SRSF7: variants seen among roughly 807,000 people sequenced by gnomAD.
The protein encoded by SRSF7 is serine/arginine-rich splicing factor 7.
Under a neutral mutation model 42.2 loss-of-function variants are expected in SRSF7, and 15 were observed. The observed-to-expected ratio is 0.36, with a 90% confidence interval of 0.24 to 0.55. SRSF7 has a LOEUF of 0.55. Ranked by LOEUF, SRSF7 falls within the 20% of genes least tolerant of loss-of-function variation. The pLI is 0.88. For missense variants in SRSF7, 181 were observed against 305.9 expected, an observed-to-expected ratio of 0.59 and a Z score of 3.04; for synonymous variants, 138 against 107.9, an observed-to-expected ratio of 1.28 and a Z score of -1.73.
At chr2:38,748,800 ATTT>A in intron 3 of SRSF7, 147 bp from the exon 4 acceptor site, 8 of 1,000,132 alleles carry the variant, frequency 8.0e-6, no homozygotes, top group East Asian at 3.2e-5. Context: ...GTTGTTGAGT[ATTT>A]TTTTTTTTAC....
Position 38,746,168 on chromosome 2 carries a change from G to C in SRSF7, c.638C>G (p.Ser213Cys). ...ISRPRSSRSKSRSPSPKRSRS... is the reference protein window; with the variant it reads ...ISRPRSSRSKCRSPSPKRSRS... ...CCTTCTTTTTGGAGATGGAGATCTG[G>C]ACTTTGATCGGCTGTCAAAACATGA... The change falls in exon 7 of 8, where the codon TCC becomes TGC. Residue 213 changes from serine (S) to cysteine (C), a missense_variant. Ser to Cys is a moderately radical substitution (Grantham distance 112, BLOSUM62 -1). Transcript: ENST00000313117. The C allele has an allele frequency of 6.2e-7, 1 of 1,614,044 alleles. No individual in the cohort carries two copies. Among genetic ancestry groups the C allele is most frequent in the Middle Eastern group, 1.7e-4 (1 of 6,060 alleles).
At chr2:38,745,241 T>C (rs1667191500) in intron 7 of SRSF7, 54 bp from the exon 8 acceptor site, 6 of 1,576,348 alleles carry the variant, frequency 3.8e-6, no homozygotes, top group South Asian at 1.1e-5. Flanking sequence ...GAAACTCTCA[T>C]GTACATGTAC....
Position 38,748,574 on chromosome 2 carries a change from C to A in SRSF7, c.461+5G>T. On this transcript the variant is annotated splice_donor_5th_base_variant and intron_variant, in intron 4 of 7. Transcript: ENST00000313117. ...CAGAAAGACTTCAGTTAAACAAGAT[C>A]TCACCTTCGTCCCCTGCTCCTGCTG... The A allele has an allele frequency of 6.2e-7, 1 of 1,613,692 alleles. No individual in the cohort carries two copies. Among genetic ancestry groups the A allele is most frequent in the Non-Finnish European group, 8.5e-7 (1 of 1,179,642 alleles).
intron 5 of SRSF7, 84 bp downstream of exon 5, chr2:38,747,963 T>C (rs569988738): frequency 4.4e-6 from 4 of 905,686 alleles, no homozygotes; most frequent in East Asian, 5.2e-5. Context: ...CCTGAAGCAA[T>C]CCATTTGAAT....
chr2:38,751,320 C>A lies in SRSF7; in HGVS notation c.-64G>T. On this transcript the variant is annotated 5_prime_UTR_variant, in exon 1 of 8. Transcript: ENST00000313117. ...GCCCAGGGCTCGAGTGACGCAAAAG[C>A]TGACACACACCTTCACCCGCCAAGA... 2 of 1,610,286 alleles carry A rather than the reference C, an allele frequency of 1.2e-6. No individual in the cohort carries two copies. The highest frequency in any genetic ancestry group is 3.3e-5 in the Admixed American group (2 of 59,972).
chr2:38,744,312 G>A lies in SRSF7; in HGVS notation c.*821C>T. 1 of 152,548 alleles carries A rather than the reference G, an allele frequency of 6.6e-6. No homozygotes were observed. The highest frequency in any genetic ancestry group is 1.5e-5 in the Non-Finnish European group (1 of 68,036). The allele number at this position is 152,548 out of a possible 1,614,324, so 9.4% of individuals were successfully genotyped here. On this transcript the variant is annotated 3_prime_UTR_variant, in exon 8 of 8. Coordinates refer to ENST00000313117, the MANE Select transcript of SRSF7 (RefSeq NM_001031684.3). ...TTTTGCAAAGCTGGTTTACATGAAG[G>A]TGTTTTGTCCCAATTTCAGACAATT...
chr2:38,750,895 T>A (rs960022277), intron 1 of SRSF7: 1 of 356,732 alleles, frequency 2.8e-6, no homozygotes, highest in African/African-American at 2.1e-5. Context: ...GTCCTCAATG[T>A]GCGCAAAATG....
chr2:38,750,641 G>C (rs1272925483), intron 1 of SRSF7, among the ~76,000 whole-genome samples: 1 of 151,884 alleles, frequency 6.6e-6, no homozygotes, highest in Non-Finnish European at 1.5e-5. Flanking sequence ...GCACAGGCTC[G>C]CCCAAGACTC....
At chr2:38,750,282 T>C in intron 1 of SRSF7, 88 bp from the exon 2 acceptor site, 1 of 1,272,620 alleles carries the variant, frequency 7.9e-7, no homozygotes, top group Non-Finnish European at 1.1e-6. Context: ...CGGGCCATCC[T>C]CAAGATTGGG....
At chr2:38,750,893 T>A (rs1337152692) in intron 1 of SRSF7, 3 of 354,524 alleles carry the variant, frequency 8.5e-6, no homozygotes, top group Non-Finnish European at 1.6e-5. Context: ...CGGTCCTCAA[T>A]GTGCGCAAAA....
intron 3 of SRSF7, 62 bp downstream of exon 3, chr2:38,749,467 T>C (rs375007593): frequency 1.3e-6 from 2 of 1,545,590 alleles, no homozygotes; most frequent in East Asian, 2.3e-5. Flanking sequence ...GTTTCTGCCT[T>C]GCTAATAAAA....
chr2:38,749,733 A>G (rs373559201), intron 2 of SRSF7, 28 bp from the exon 3 acceptor site: 26 of 1,512,726 alleles, frequency 1.7e-5, no homozygotes, highest in African/African-American at 1.4e-4. Context: ...ACAAAATTCT[A>G]AAGTTAAAAA....
chr2:38,749,005 C>G, intron 3 of SRSF7: 1 of 1,287,398 alleles, frequency 7.8e-7, no homozygotes, highest in Non-Finnish European at 1.0e-6. Flanking sequence ...TTCAATCTAA[C>G]GACGATCAAA....
Position 38,746,192 on chromosome 2 carries a change from G to A in SRSF7, c.627-13C>T, listed in dbSNP as rs1314658025. Reference sequence around the variant, plus strand: ...GGACTTTGATCGGCTGTCAAAACATGAGAAATTCTATTAAAGAAAGAGTAC... The same window carrying A: ...GGACTTTGATCGGCTGTCAAAACATAAGAAATTCTATTAAAGAAAGAGTAC... On this transcript the variant is annotated splice_polypyrimidine_tract_variant and intron_variant, in intron 6 of 7. Transcript: ENST00000313117. The A allele has an allele frequency of 2.5e-6, 4 of 1,613,890 alleles. No individual in the cohort carries two copies. The highest frequency in any genetic ancestry group is 1.3e-5 in the African/African-American group (1 of 75,000).
intron 5 of SRSF7, 30 bp from the exon 6 acceptor site, chr2:38,746,777 TATCA>T: frequency 5.6e-6 from 9 of 1,612,576 alleles, no homozygotes; most frequent in South Asian, 5.5e-5. Flanking sequence ...AACACAATTA[TATCA>T]ATCAGTCCAA....
chr2:38,747,579 T>A (rs1471100220), intron 5 of SRSF7, among the ~76,000 whole-genome samples: 1 of 152,022 alleles, frequency 6.6e-6, no homozygotes, highest in Non-Finnish European at 1.5e-5. Flanking sequence ...AAAAAAAAAA[T>A]CCACATTCAT....
intron 1 of SRSF7, 106 bp from the exon 2 acceptor site, chr2:38,750,300 C>T (rs1451854905): frequency 2.1e-6 from 2 of 971,778 alleles, no homozygotes; most frequent in Non-Finnish European, 3.1e-6. Context: ...GGGTAAAGCA[C>T]ATTTAATGCC....
Position 38,748,630 on chromosome 2 carries a change from C to A in SRSF7, c.410G>T (p.Arg137Leu). 6.2e-7 allele frequency: 1 copy of A among 1,614,146 alleles called. No homozygotes were observed. The highest frequency in any genetic ancestry group is 8.5e-7 in the Non-Finnish European group (1 of 1,180,030). ...RSRSRSRSHS[R>L]SRGRRYSRSR... is the part of the protein sequence containing the mutation. The stretch of plus-strand genomic sequence containing the variant: ...GCGAGAGTATCGCCTTCCTCTGGAT[C>A]GAGAATGTGATCTAGACCGTGACCT... The change falls in exon 4 of 8, where the codon CGA (arginine) becomes CTA (leucine). Residue 137 changes from arginine (R) to leucine (L), a missense_variant. By Grantham distance (102) the Arg-to-Leu change is moderately radical. This residue lies in a region of SRSF7 where 136 missense variants were observed against 147.8 expected (regional missense o/e 0.92). Coordinates refer to ENST00000313117, the MANE Select transcript of SRSF7 (RefSeq NM_001031684.3).
At chr2:38,750,923 CGGGGGG>C (rs889700665) in intron 1 of SRSF7, 2 of 362,772 alleles carry the variant, frequency 5.5e-6, no homozygotes, top group Non-Finnish European at 1.0e-5. Flanking sequence ...CCGCCGAGGG[CGGGGGG>C]GGAGGGGGGC....
Sources: gnomAD v4.1 joint callset for allele counts (sites outside exome capture counted in the v4.1 genomes callset) on GRCh38, gnomAD v4.1.1 for gene constraint, gnomAD v4.1.1 regional missense constraint, MANE v1.5 for transcripts, NCBI Gene and HGNC (gene_info 2026-07-23, HGNC 2026-07-21) for gene names.